PTPN5: variants seen among roughly 807,000 people sequenced by gnomAD.
PTPN5 encodes the protein tyrosine-protein phosphatase non-receptor type 5.
A neutral mutation model predicts 73.9 loss-of-function variants in PTPN5; 29 were observed. The observed-to-expected ratio is 0.39, with a 90% CI of 0.29 to 0.54. The LOEUF (loss-of-function observed/expected upper bound fraction) is 0.54, where lower values mean the gene tolerates loss of function less well. Among genes scored for constraint, PTPN5 ranks in the 20% least tolerant of loss-of-function variants. The pLI is 0.65. For missense variants in PTPN5, 652 were observed against 751.4 expected (o/e 0.87, Z 1.55); for synonymous variants, 267 against 304.7 (o/e 0.88, Z 1.29).
chr11:18,771,977 G>C lies in PTPN5; in HGVS notation c.-19C>G, dbSNP rs1160252149. The C allele has an allele frequency of 2.6e-6, 4 of 1,563,492 alleles. No homozygotes were observed. Among genetic ancestry groups the C allele is most frequent in the Non-Finnish European group, 3.4e-6 (4 of 1,162,120 alleles). ...AATTCATTCCCAAGGTGTCTGGATG[G>C]GGAAGGGTGCCATCTTCCAGGGCAG... On this transcript the variant is annotated 5_prime_UTR_variant, in exon 2 of 15. Coordinates refer to ENST00000358540, the MANE Select transcript of PTPN5 (RefSeq NM_006906.2).
chr11:18,734,540 G>A (rs537857527), intron 9 of PTPN5, among the ~76,000 whole-genome samples: 1 of 152,238 alleles, frequency 6.6e-6, no homozygotes, highest in East Asian at 1.9e-4. Context: ...TTGCTATGTT[G>A]ACTAGGCTGG....
At chr11:18,746,188 T>C (rs1212160040) in intron 3 of PTPN5, among the ~76,000 whole-genome samples, 9 of 119,262 alleles carry the variant, frequency 7.5e-5, no homozygotes, top group Non-Finnish European at 1.1e-4. Context: ...TATATATATA[T>C]ATATACATTT....
In PTPN5 at chr11:18,743,760, C is replaced by T. The variant is rs1000937549; in HGVS notation, c.291+246G>A. ...CCTGTACGGCTGGGAGCTCAGGGGTCGGGGAGGCCCTGTGTTCTGGATTCT... is the reference window on the plus strand; with the variant it reads ...CCTGTACGGCTGGGAGCTCAGGGGTTGGGGAGGCCCTGTGTTCTGGATTCT... On this transcript the variant is annotated intron_variant, in intron 4 of 14. Transcript: ENST00000358540. 58 of 569,946 alleles carry T rather than the reference C, an allele frequency of 1.0e-4. No homozygotes were observed. In the East Asian group the frequency reaches 1.5e-3, roughly 14 times the overall value. The allele number at this position is 569,946 out of a possible 1,614,324, so 35.3% of individuals were successfully genotyped here. A position where few individuals can be genotyped will look rare whatever the true frequency, so the allele number is the denominator to read the frequency against.
chr11:18,743,232 C>CA (rs1403409642), intron 5 of PTPN5, 90 bp downstream of exon 5: 1 of 1,359,642 alleles, frequency 7.4e-7, no homozygotes, highest in Non-Finnish European at 1.1e-6. Context: ...CTTCTGAACT[C>CA]AGAGAAGCCC....
At chr11:18,730,925 C>G (rs1231237740) in intron 12 of PTPN5, among the ~76,000 whole-genome samples, 1 of 152,142 alleles carries the variant, frequency 6.6e-6, no homozygotes, top group Non-Finnish European at 1.5e-5. Context: ...GCAGCACACA[C>G]AAACACATGT....
At chr11:18,763,671 A>G (rs923206663) in intron 3 of PTPN5, among the ~76,000 whole-genome samples, 5 of 152,198 alleles carry the variant, frequency 3.3e-5, no homozygotes, top group African/African-American at 4.8e-5. Flanking sequence ...TAGGGAAGGG[A>G]CTATGTCTGT....
At chr11:18,731,199 T>C (rs1466105911) in intron 12 of PTPN5, among the ~76,000 whole-genome samples, 1 of 148,000 alleles carries the variant, frequency 6.8e-6, no homozygotes, top group African/African-American at 2.5e-5. Context: ...ATTTATATTA[T>C]ATATATTTTA....
chr11:18,771,886 C>T, intron 2 of PTPN5, 53 bp downstream of exon 2: 1 of 1,543,472 alleles, frequency 6.5e-7, no homozygotes, highest in South Asian at 1.1e-5. Context: ...ATGGAGAAGG[C>T]TTGGCCTCCT....
intron 3 of PTPN5, among the ~76,000 whole-genome samples, chr11:18,758,727 T>A (rs1010987658): frequency 1.3e-5 from 2 of 152,132 alleles, no homozygotes; most frequent in African/African-American, 4.8e-5. Flanking sequence ...TGGGGTGATT[T>A]GTCCCTGAGC....
chr11:18,746,930 T>C (rs975189611), intron 3 of PTPN5, among the ~76,000 whole-genome samples: 1 of 152,140 alleles, frequency 6.6e-6, no homozygotes, highest in African/African-American at 2.4e-5. Context: ...TATGGAACGG[T>C]GGGAAGGGAC....
At chr11:18,787,492 C>A (rs1851723999) in intron 1 of PTPN5, among the ~76,000 whole-genome samples, 1 of 152,200 alleles carries the variant, frequency 6.6e-6, no homozygotes, top group African/African-American at 2.4e-5. Context: ...ATGATTGGCT[C>A]TGCCCACTCT....
rs181546260 is a variant in PTPN5, at chr11:18,758,957, C to T, written c.97+6850G>A. ...CTGTTTCTATCCTGGTGAAGGAAAA[C>T]GGAGGATCATTCTCCCCACCAACCC... On this transcript the variant is annotated intron_variant, in intron 3 of 14. Transcript: ENST00000358540. Among the ~76,000 whole-genome samples, 8 of 152,164 alleles carry T rather than the reference C, an allele frequency of 5.3e-5. No individual in the cohort carries two copies. In the East Asian group the frequency reaches 5.8e-4, roughly 11 times the overall value.
intron 3 of PTPN5, 57 bp downstream of exon 3, chr11:18,765,750 G>A (rs532671336): frequency 4.2e-5 from 51 of 1,218,452 alleles, no homozygotes; most frequent in African/African-American, 1.9e-4. Context: ...AGCTTCAGCC[G>A]GGGCATTGTC....
chr11:18,774,396 C>A (rs2134329585), intron 1 of PTPN5, among the ~76,000 whole-genome samples: 1 of 152,318 alleles, frequency 6.6e-6, no homozygotes, highest in African/African-American at 2.4e-5. Flanking sequence ...AGAGGCATCC[C>A]AGGACCATGT....
At chr11:18,740,231 T>A (rs1040240548) in intron 8 of PTPN5, among the ~76,000 whole-genome samples, 3 of 152,038 alleles carry the variant, frequency 2.0e-5, no homozygotes, top group Non-Finnish European at 4.4e-5. Context: ...AGAAGAACAA[T>A]GCTCGGCAGG....
Position 18,743,535 on chromosome 11 carries a change from G to A in PTPN5, c.292-106C>T, listed in dbSNP as rs957005671. On this transcript the variant is annotated intron_variant, in intron 4 of 14. Transcript: ENST00000358540. ...AACCTGGCCCTGCATGGAGGCTCCT[G>A]AACCTCTAAGGTCCAGACCGGGCAG... 8.9e-6 allele frequency: 9 copies of A among 1,015,134 alleles called. No individual in the cohort carries two copies. In the African/African-American group the frequency reaches 1.4e-4, roughly 16 times the overall value. 62.9% of individuals were successfully genotyped at this position (1,015,134 alleles called of 1,614,324 possible).
rs774264738 is a variant in PTPN5, at chr11:18,729,421, TTG to T, written c.1604+30_1604+31del. The stretch of plus-strand genomic sequence containing the variant: ...CTACCCGCTCGGGGCTCTAGCTCCC[TTG>T]TGTGTCCCCACTCCCGCCCGTGGGC... On this transcript the variant is annotated intron_variant, in intron 14 of 14. Transcript: ENST00000358540. This position sits in a 1 kb window ranked among gnomAD's most constrained non-coding sequence, Gnocchi z 5.2. 6.6e-5 allele frequency: 70 copies of T among 1,064,000 alleles called. No homozygotes were observed. The Admixed American group carries it at 1.1e-3, about 17-fold the overall frequency. The allele number at this position is 1,064,000 out of a possible 1,614,324, so 65.9% of individuals were successfully genotyped here. A position where few individuals can be genotyped will look rare whatever the true frequency, so the allele number is the denominator to read the frequency against.
At chr11:18,730,174 GC>G (rs1848812800) in intron 12 of PTPN5, 1 of 453,320 alleles carries the variant, frequency 2.2e-6, no homozygotes, top group Non-Finnish European at 3.9e-6. Context: ...ACATAACCCA[GC>G]CCCGGGACTC....
intron 3 of PTPN5, among the ~76,000 whole-genome samples, chr11:18,759,702 T>C (rs921367165): frequency 6.6e-6 from 1 of 151,904 alleles, no homozygotes; most frequent in African/African-American, 2.4e-5. Flanking sequence ...TTTGAAGTCT[T>C]GAATGAAAAC....
Sources: allele counts gnomAD v4.1 joint callset (sites outside exome capture counted in the v4.1 genomes callset), GRCh38; gene constraint gnomAD v4.1.1; non-coding constraint Gnocchi (gnomAD v3.1); transcripts MANE v1.5; gene names NCBI Gene and HGNC (gene_info 2026-07-23, HGNC 2026-07-21).